Variants in FSTL5 observed in about 807,000 individuals in gnomAD.
FSTL5 encodes the protein follistatin like 5.
In FSTL5, 62 loss-of-function variants were observed where a neutral mutation model predicts 89.1. The observed-to-expected ratio is 0.70, with a 90% confidence interval of 0.57 to 0.86. The LOEUF (loss-of-function observed/expected upper bound fraction) is 0.86, where lower values mean the gene tolerates loss of function less well. FSTL5 is among the 40% of genes least tolerant of loss of function. The probability of loss-of-function intolerance (pLI) is 0.00; values close to 1 mark genes in which losing one functional copy is unlikely to be tolerated. For missense variants in FSTL5, 1,057 were observed against 1,001.6 expected (o/e 1.06, Z -0.75); for synonymous variants, 383 against 346.2 (o/e 1.11, Z -1.18).
chr4:161,754,105 AGTT>A (rs543695410), intron 6 of FSTL5, among the ~76,000 whole-genome samples: 426 of 151,070 alleles, frequency 2.8e-3, no homozygotes, highest in Non-Finnish European at 3.7e-3. Context: ...TCAATATAAA[AGTT>A]AATAATTAGG....
In FSTL5 at chr4:161,705,056, CTATT is replaced by C. The variant is rs1229615949; in HGVS notation, c.728-48566_728-48563del. Among the ~76,000 whole-genome samples, 10 of 151,960 alleles carry C rather than the reference CTATT, an allele frequency of 6.6e-5. No homozygotes were observed. In the South Asian group the frequency reaches 1.5e-3, roughly 22 times the overall value. On this transcript the variant is annotated intron_variant, in intron 6 of 15. Transcript: ENST00000306100. ...CTTTAATAGCATCATATTTATGTCT[CTATT>C]TATAATAATTAAAATATTGCATTTT...
chr4:161,714,212 A>G (rs538237921), intron 6 of FSTL5, among the ~76,000 whole-genome samples: 22 of 152,222 alleles, frequency 1.4e-4, no homozygotes, highest in African/African-American at 5.3e-4. Context: ...GAAACTCATT[A>G]AAGTGTGTAG....
rs370382460 is a variant in FSTL5, at chr4:162,057,109, C to A, written c.127-23451G>T. Among the ~76,000 whole-genome samples the A allele has an allele frequency of 2.0e-4, 30 of 152,348 alleles. No homozygotes were observed. In the South Asian group the frequency reaches 3.3e-3, roughly 17 times the overall value. On this transcript the variant is annotated intron_variant, in intron 2 of 15. Transcript: ENST00000306100. Reference sequence around the variant, plus strand: ...GTCCTGAAGGGACGGCACATCCCAGCTGGAGCGTGTGGCCCATCTGCCCGA... The same window carrying A: ...GTCCTGAAGGGACGGCACATCCCAGATGGAGCGTGTGGCCCATCTGCCCGA...
At position 161,750,072 on chromosome 4, in the gene FSTL5, C is replaced by T. The variant is rs1019757627; in HGVS notation, c.727+9339G>A. On this transcript the variant is annotated intron_variant, in intron 6 of 15. Transcript: ENST00000306100. ...ATTCTATTTATGTTGAGAATATATA[C>T]GAGTATGTTTGTCCCTTAGATGAAA... Among the ~76,000 whole-genome samples the T allele has an allele frequency of 3.9e-5, 6 of 151,936 alleles. No homozygotes were observed. In the South Asian group the frequency reaches 6.2e-4, roughly 16 times the overall value.
intron 3 of FSTL5, among the ~76,000 whole-genome samples, chr4:161,922,441 C>A: frequency 6.6e-6 from 1 of 152,004 alleles, no homozygotes; most frequent in Admixed American, 6.6e-5. Flanking sequence ...AGCAAAAAAT[C>A]AATTTTGGAA....
At chr4:162,068,244 G>C (rs566414202) in intron 2 of FSTL5, among the ~76,000 whole-genome samples, 114 of 152,104 alleles carry the variant, frequency 7.5e-4, no homozygotes, top group African/African-American at 2.6e-3. Context: ...ATATAGCCAA[G>C]GCAATCCTAA....
chr4:161,633,510 C>A (rs1735573324), intron 7 of FSTL5, among the ~76,000 whole-genome samples: 1 of 151,770 alleles, frequency 6.6e-6, no homozygotes, highest in East Asian at 1.9e-4. Flanking sequence ...CCACACCCAG[C>A]TAATTTTTGT....
At chr4:162,072,775 T>C (rs1729681453) in intron 2 of FSTL5, among the ~76,000 whole-genome samples, 1 of 151,830 alleles carries the variant, frequency 6.6e-6, no homozygotes. Context: ...CTGGGTAGTG[T>C]TTCTGTAAGG....
intron 6 of FSTL5, among the ~76,000 whole-genome samples, chr4:161,690,418 ATATTTTT>A (rs770230743): frequency 6.6e-6 from 1 of 152,088 alleles, no homozygotes; most frequent in African/African-American, 2.4e-5. Flanking sequence ...AATGCTCAGC[ATATTTTT>A]ATATGCTTGT....
chr4:161,436,198 A>G (rs1250654951), intron 15 of FSTL5, among the ~76,000 whole-genome samples: 1 of 152,160 alleles, frequency 6.6e-6, no homozygotes, highest in Non-Finnish European at 1.5e-5. Flanking sequence ...TTGGAGGGGT[A>G]ATTTTACTAA....
intron 10 of FSTL5, among the ~76,000 whole-genome samples, chr4:161,526,614 A>G (rs1035866781): frequency 1.3e-5 from 2 of 152,208 alleles, no homozygotes; most frequent in South Asian, 2.1e-4. Context: ...ATCTTGAATT[A>G]ATTTTTGTAT....
intron 3 of FSTL5, among the ~76,000 whole-genome samples, chr4:161,928,209 A>G (rs1407046673): frequency 6.6e-6 from 1 of 151,792 alleles, no homozygotes; most frequent in Non-Finnish European, 1.5e-5. Flanking sequence ...TGGATTTAAG[A>G]TTCCTCCTTG....
intron 1 of FSTL5, among the ~76,000 whole-genome samples, chr4:162,133,069 C>CCT (rs1160354392): frequency 6.6e-6 from 1 of 152,176 alleles, no homozygotes; most frequent in Non-Finnish European, 1.5e-5. Context: ...CACTCAGCCT[C>CCT]CTGAGTAGCT....
intron 3 of FSTL5, among the ~76,000 whole-genome samples, chr4:161,987,546 A>G (rs1736000021): frequency 6.8e-6 from 1 of 147,542 alleles, no homozygotes; most frequent in Non-Finnish European, 1.5e-5. Context: ...ATATATAATG[A>G]AAGTATATAT....
intron 5 of FSTL5, among the ~76,000 whole-genome samples, chr4:161,775,451 C>T (rs1741374082): frequency 6.6e-6 from 1 of 152,118 alleles, no homozygotes; most frequent in African/African-American, 2.4e-5. Flanking sequence ...TCAACACTAT[C>T]TTAAATCATT....
intron 4 of FSTL5, among the ~76,000 whole-genome samples, chr4:161,913,514 T>C (rs1181739239): frequency 3.3e-5 from 5 of 152,282 alleles, no homozygotes; most frequent in Non-Finnish European, 5.9e-5. Context: ...CAAGAATTGA[T>C]GTTTGGGAAC....
chr4:161,937,132 A>T (rs1734455122), intron 3 of FSTL5, among the ~76,000 whole-genome samples: 1 of 152,174 alleles, frequency 6.6e-6, no homozygotes, highest in Admixed American at 6.6e-5. Context: ...CAATGCAGTT[A>T]AAAAATACTG....
intron 3 of FSTL5, among the ~76,000 whole-genome samples, chr4:161,994,872 A>G (rs111429926): frequency 0.11 from 16,115 of 152,160 alleles, 923 homozygotes; most frequent in East Asian, 0.21. Context: ...GCTTTGCAGA[A>G]GCTCTTAAAT....
chr4:161,822,761 G>A (rs1181481469), intron 4 of FSTL5, among the ~76,000 whole-genome samples: 3 of 152,184 alleles, frequency 2.0e-5, no homozygotes, highest in Non-Finnish European at 4.4e-5. Flanking sequence ...CATTCAGCAT[G>A]TCCTGAGTTC....
Sources: allele counts gnomAD v4.1 joint callset (sites outside exome capture counted in the v4.1 genomes callset), GRCh38; gene constraint gnomAD v4.1.1; transcripts MANE v1.5; gene names NCBI Gene and HGNC (gene_info 2026-07-23, HGNC 2026-07-21).